Variants in MECOM observed in about 807,000 individuals in gnomAD.
MECOM encodes the protein histone-lysine N-methyltransferase MECOM.
In MECOM, 13 loss-of-function variants were observed where a neutral mutation model predicts 116.3. That is an observed-to-expected ratio of 0.11 (90% CI 0.07 to 0.18). The LOEUF (loss-of-function observed/expected upper bound fraction) is 0.18. MECOM is among the 10% of genes least tolerant of loss of function. MECOM has a pLI of 1.00. For missense variants in MECOM, 1,299 were observed against 1,509.0 expected (o/e 0.86, Z 2.31); for synonymous variants, 528 against 535.2 (o/e 0.99, Z 0.19).
intron 1 of MECOM, chr3:169,483,860 G>A: frequency 6.2e-7 from 1 of 1,611,310 alleles, no homozygotes; most frequent in Non-Finnish European, 8.5e-7. Context: ...TCTTGCTCTT[G>A]CTCCTTTCGA....
chr3:169,648,766 G>A (rs761584743), intron 1 of MECOM, among the ~76,000 whole-genome samples: 43 of 152,206 alleles, frequency 2.8e-4, no homozygotes, highest in Non-Finnish European at 5.6e-4. Context: ...CCACTTCTGT[G>A]AGTTTATGTC....
At chr3:169,628,716 T>C (rs1281636771) in intron 1 of MECOM, among the ~76,000 whole-genome samples, 1 of 152,174 alleles carries the variant, frequency 6.6e-6, no homozygotes, top group Non-Finnish European at 1.5e-5. Context: ...AAAGAAGTGA[T>C]AACAAGTTCT....
At chr3:169,203,856 G>A (rs926980955) in intron 2 of MECOM, among the ~76,000 whole-genome samples, 1 of 152,178 alleles carries the variant, frequency 6.6e-6, no homozygotes, top group Non-Finnish European at 1.5e-5. Flanking sequence ...CAGCTGCTTA[G>A]CAGATATGTT....
chr3:169,269,726 T>C (rs1360910925), intron 2 of MECOM, among the ~76,000 whole-genome samples: 1 of 152,204 alleles, frequency 6.6e-6, no homozygotes, highest in Non-Finnish European at 1.5e-5. Context: ...CATTTATCTC[T>C]GGCACCCAAG....
intron 1 of MECOM, among the ~76,000 whole-genome samples, chr3:169,456,730 A>G (rs1255801611): frequency 6.6e-6 from 1 of 152,122 alleles, no homozygotes; most frequent in East Asian, 1.9e-4. Flanking sequence ...CCCCTCCGTA[A>G]AGGTGGGACC....
At chr3:169,341,658 T>C (rs1724551074) in intron 2 of MECOM, among the ~76,000 whole-genome samples, 1 of 150,302 alleles carries the variant, frequency 6.7e-6, no homozygotes, top group Non-Finnish European at 1.5e-5. Flanking sequence ...GAGAATCGCT[T>C]GAACCTGGGA....
chr3:169,444,303 A>T (rs991180826), intron 1 of MECOM, among the ~76,000 whole-genome samples: 1 of 152,060 alleles, frequency 6.6e-6, no homozygotes, highest in African/African-American at 2.4e-5. Context: ...AGCAACACTG[A>T]TATGGTTTGG....
At chr3:169,361,182 A>G (rs1313870772) in intron 2 of MECOM, among the ~76,000 whole-genome samples, 1 of 151,418 alleles carries the variant, frequency 6.6e-6, no homozygotes, top group Non-Finnish European at 1.5e-5. Context: ...CCACCGCACT[A>G]CAAGAACATA....
chr3:169,179,718 T>C (rs780773518), intron 2 of MECOM, among the ~76,000 whole-genome samples: 16 of 152,216 alleles, frequency 1.1e-4, no homozygotes, highest in Non-Finnish European at 1.8e-4. Flanking sequence ...GACTGGCAAC[T>C]GTGATAAACA....
At chr3:169,491,421 T>G (rs534600058) in intron 1 of MECOM, among the ~76,000 whole-genome samples, 2 of 152,098 alleles carry the variant, frequency 1.3e-5, no homozygotes. Flanking sequence ...GTATCAGTAA[T>G]TAAAATAAAT....
intron 1 of MECOM, among the ~76,000 whole-genome samples, chr3:169,403,864 A>G (rs1038317476): frequency 1.3e-5 from 2 of 152,248 alleles, no homozygotes; most frequent in Non-Finnish European, 1.5e-5. Flanking sequence ...ACAAATTTTA[A>G]GTATATTTTC....
intron 2 of MECOM, among the ~76,000 whole-genome samples, chr3:169,309,865 GGAT>G (rs1317624860): frequency 2.0e-5 from 3 of 152,168 alleles, no homozygotes; most frequent in African/African-American, 7.2e-5. Context: ...AGTGTGGGCT[GGAT>G]GATGTCTGCA....
chr3:169,579,058 C>T (rs1202064086), intron 1 of MECOM, among the ~76,000 whole-genome samples: 1 of 152,082 alleles, frequency 6.6e-6, no homozygotes, highest in Non-Finnish European at 1.5e-5. Context: ...ATGAAGAAGC[C>T]CTTTTGAGCT....
intron 1 of MECOM, among the ~76,000 whole-genome samples, chr3:169,639,005 G>A (rs1560522418): frequency 6.7e-6 from 1 of 149,174 alleles, no homozygotes; most frequent in Non-Finnish European, 1.5e-5. Context: ...TTCTCTGTTT[G>A]CAGCAATTTT....
At chr3:169,466,617 C>G (rs1578177554) in intron 1 of MECOM, among the ~76,000 whole-genome samples, 1 of 152,070 alleles carries the variant, frequency 6.6e-6, no homozygotes, top group African/African-American at 2.4e-5. Flanking sequence ...TGATTCCACT[C>G]TTTTTTTTCC....
intron 2 of MECOM, among the ~76,000 whole-genome samples, chr3:169,234,612 A>T (rs1753809615): frequency 6.6e-6 from 1 of 152,194 alleles, no homozygotes; most frequent in Admixed American, 6.6e-5. Flanking sequence ...TGAGATGGCT[A>T]GAGTGATGTG....
At chr3:169,544,659 G>T (rs148318707) in intron 1 of MECOM, among the ~76,000 whole-genome samples, 18 of 152,258 alleles carry the variant, frequency 1.2e-4, no homozygotes, top group Non-Finnish European at 2.2e-4. Flanking sequence ...AGAAAAGGTG[G>T]TGCATATACA....
intron 2 of MECOM, among the ~76,000 whole-genome samples, chr3:169,372,021 T>C (rs748593846): frequency 8.5e-5 from 13 of 152,094 alleles, no homozygotes; most frequent in Non-Finnish European, 1.2e-4. Context: ...TGGAACATAA[T>C]GTATTGCCCA....
chr3:169,195,181 T>C (rs2149435116), intron 2 of MECOM, among the ~76,000 whole-genome samples: 1 of 152,186 alleles, frequency 6.6e-6, no homozygotes, highest in South Asian at 2.1e-4. Context: ...TAATCCCGGA[T>C]CACACCTCTG....
Sources: gnomAD v4.1 joint callset for allele counts (sites outside exome capture counted in the v4.1 genomes callset) on GRCh38, gnomAD v4.1.1 for gene constraint, MANE v1.5 for transcripts, NCBI Gene and HGNC (gene_info 2026-07-23, HGNC 2026-07-21) for gene names.